Variants in TBL1X observed in about 807,000 individuals in gnomAD.
The protein encoded by TBL1X is F-box-like/WD repeat-containing protein TBL1X.
A neutral mutation model predicts 50.7 loss-of-function variants in TBL1X; 10 were observed. That is an observed-to-expected ratio of 0.20 (90% CI 0.12 to 0.33). The LOEUF (loss-of-function observed/expected upper bound fraction) is 0.33, where lower values mean the gene tolerates loss of function less well. TBL1X is among the 10% of genes least tolerant of loss of function. The pLI is 1.00. For missense variants in TBL1X, 340 were observed against 504.4 expected (o/e 0.67, Z 3.12); for synonymous variants, 190 against 214.7 (o/e 0.88, Z 1.01).
intron 2 of TBL1X, among the ~76,000 whole-genome samples, chrX:9,517,326 T>A (rs1374969492): frequency 9.0e-6 from 1 of 111,145 alleles, no homozygotes; most frequent in Non-Finnish European, 1.9e-5. Context: ...GCATTCTCAG[T>A]GCCGTGGTCA....
chrX:9,615,443 C>G, intron 2 of TBL1X, among the ~76,000 whole-genome samples: 1 of 112,130 alleles, frequency 8.9e-6, no homozygotes, highest in Non-Finnish European at 1.9e-5. Context: ...TCCCCATCCT[C>G]ATTCTGGTGA....
intron 13 of TBL1X, among the ~76,000 whole-genome samples, chrX:9,706,751 C>T (rs1027539528): frequency 4.5e-5 from 5 of 111,455 alleles, no homozygotes; most frequent in African/African-American, 1.6e-4. Flanking sequence ...TAGCCTCGAC[C>T]TCCTGGGCTA....
At chrX:9,685,479 C>T (rs1174707884) in intron 6 of TBL1X, among the ~76,000 whole-genome samples, 1 of 110,316 alleles carries the variant, frequency 9.1e-6, no homozygotes, top group African/African-American at 3.3e-5. Context: ...CTTCCTCCCT[C>T]TGCTTCTCTT....
At chrX:9,585,328 A>ACCCCCCCCCCCCCCCCCCC (rs1262756915) in intron 2 of TBL1X, among the ~76,000 whole-genome samples, 1 of 54,646 alleles carries the variant, frequency 1.8e-5, no homozygotes, top group Non-Finnish European at 3.3e-5. Context: ...GCTCCATGCC[A>ACCCCCCCCCCCCCCCCCCC]CCCCCCTCCC....
At chrX:9,468,171 GTTC>G (rs2081789430) in intron 1 of TBL1X, among the ~76,000 whole-genome samples, 1 of 112,279 alleles carries the variant, frequency 8.9e-6, no homozygotes, top group South Asian at 3.6e-4. Context: ...GTCTAGGTTT[GTTC>G]TTGTCCGATG....
At chrX:9,528,316 C>T (rs1319724877) in intron 2 of TBL1X, among the ~76,000 whole-genome samples, 1 of 111,370 alleles carries the variant, frequency 9.0e-6, no homozygotes. Flanking sequence ...TAGCCTGTGT[C>T]AGGACATTTG....
intron 1 of TBL1X, among the ~76,000 whole-genome samples, chrX:9,491,781 C>T (rs762374182): frequency 1.8e-5 from 2 of 110,864 alleles, no homozygotes; most frequent in East Asian, 5.7e-4. Flanking sequence ...TTGTCACTGG[C>T]AAGCTGACAG....
intron 2 of TBL1X, among the ~76,000 whole-genome samples, chrX:9,571,215 C>T (rs1298122521): frequency 2.7e-5 from 3 of 111,605 alleles, no homozygotes; most frequent in Non-Finnish European, 3.8e-5. Flanking sequence ...TGTCCTCACA[C>T]GGCCTTTCCT....
At chrX:9,468,963 C>T (rs2081795168) in intron 1 of TBL1X, among the ~76,000 whole-genome samples, 2 of 109,607 alleles carry the variant, frequency 1.8e-5, no homozygotes, top group Non-Finnish European at 3.8e-5. Flanking sequence ...ACCAAATGCG[C>T]ACTACCATAC....
At chrX:9,617,789 A>G (rs970120218) in intron 2 of TBL1X, among the ~76,000 whole-genome samples, 1 of 112,468 alleles carries the variant, frequency 8.9e-6, no homozygotes, top group African/African-American at 3.2e-5. Context: ...TGTTTTGGAT[A>G]AGAGAGGAGC....
chrX:9,533,530 T>C (rs754731891), intron 2 of TBL1X, among the ~76,000 whole-genome samples: 14 of 111,590 alleles, frequency 1.3e-4, no homozygotes, highest in Non-Finnish European at 2.3e-4. Context: ...AAACCCTCCA[T>C]GAAAGAGAAA....
chrX:9,533,357 C>G (rs1465948396), intron 2 of TBL1X, among the ~76,000 whole-genome samples: 1 of 111,588 alleles, frequency 9.0e-6, no homozygotes, highest in Non-Finnish European at 1.9e-5. Context: ...CTCTTCCTTC[C>G]TCCCCCTCCC....
chrX:9,490,145 T>A lies in TBL1X; in HGVS notation c.-200-11635T>A, dbSNP rs901963116. Among the ~76,000 whole-genome samples the A allele has an allele frequency of 7.5e-3, 360 of 47,739 alleles. 1 individual carries two copies. The highest frequency in any genetic ancestry group is 0.015 in the Non-Finnish European group (291 of 20,007). The allele number at this position is 47,739 out of a possible 115,157, so 41.5% of individuals were successfully genotyped here. ...CCACATTCAGCTACTTTTTAAACAT[T>A]TTTTTTGTAGAGACAGAGTCTCATC... is the stretch of plus-strand genomic sequence containing the variant. On this transcript the variant is annotated intron_variant, in intron 1 of 17. Coordinates refer to ENST00000645353, the MANE Select transcript of TBL1X (RefSeq NM_005647.4).
rs1343097889 is a variant in TBL1X, at chrX:9,718,326, T to C, written c.*2080T>C. The C allele has an allele frequency of 8.9e-6, 1 of 112,100 alleles. No homozygotes were observed. Among genetic ancestry groups the C allele is most frequent in the African/African-American group, 3.2e-5 (1 of 30,824 alleles). The allele number at this position is 112,100 out of a possible 1,213,427, so 9.2% of individuals were successfully genotyped here. On this transcript the variant is annotated 3_prime_UTR_variant, in exon 18 of 18. Coordinates refer to ENST00000645353, the MANE Select transcript of TBL1X (RefSeq NM_005647.4). ...CGTTGATCATTCTCAGATCATTGAT[T>C]GGCCTCCACTTGGGTATGTGAATTA...
chrX:9,714,825 G>A (rs936362859), intron 16 of TBL1X, 77 bp from the exon 17 acceptor site: 59 of 971,022 alleles, frequency 6.1e-5, no homozygotes, highest in Non-Finnish European at 7.5e-5. Context: ...CGTCAGGGCC[G>A]GAGGAGCGCA....
At chrX:9,619,312 G>A (rs1468639061) in intron 2 of TBL1X, among the ~76,000 whole-genome samples, 1 of 112,242 alleles carries the variant, frequency 8.9e-6, no homozygotes, top group East Asian at 2.8e-4. Context: ...ATGTGAATAT[G>A]CAGTCATCTG....
chrX:9,689,832 G>C (rs2083086256), intron 7 of TBL1X, among the ~76,000 whole-genome samples: 1 of 112,887 alleles, frequency 8.9e-6, no homozygotes, highest in Non-Finnish European at 1.9e-5. Context: ...CTTCCAGCCA[G>C]ATGACACTTT....
At chrX:9,568,292 T>G (rs2082362267) in intron 2 of TBL1X, among the ~76,000 whole-genome samples, 1 of 110,429 alleles carries the variant, frequency 9.1e-6, no homozygotes, top group Non-Finnish European at 1.9e-5. Context: ...TGTGTCTGTC[T>G]GTACTGTGTG....
intron 2 of TBL1X, among the ~76,000 whole-genome samples, chrX:9,503,419 C>T (rs745830503): frequency 1.1e-4 from 12 of 113,280 alleles, no homozygotes; most frequent in Admixed American, 4.6e-4. Flanking sequence ...CCAAACTCCT[C>T]GGGGAGGGGT....
Sources: allele counts gnomAD v4.1 joint callset (sites outside exome capture counted in the v4.1 genomes callset), GRCh38; gene constraint gnomAD v4.1.1; transcripts MANE v1.5; gene names NCBI Gene and HGNC (gene_info 2026-07-23, HGNC 2026-07-21).